Variants in HMCN1 observed in about 807,000 individuals in gnomAD.
HMCN1 encodes the protein hemicentin 1, also known as hemicentin-1.
Under a neutral mutation model 625.9 loss-of-function variants are expected in HMCN1, and 321 were observed. The ratio of observed to expected loss-of-function variants is 0.51; its 90% CI spans 0.47 to 0.56. HMCN1 has a LOEUF of 0.56. Ranked by LOEUF, HMCN1 falls within the 20% of genes least tolerant of loss-of-function variation. The pLI is 0.00. For missense variants in HMCN1, 6,588 were observed against 6,887.3 expected (o/e 0.96, Z 1.54); for synonymous variants, 2,425 against 2,417.6 (o/e 1.00, Z -0.09).
At position 186,114,006 on chromosome 1, in the gene HMCN1, A is replaced by G. The variant is rs781568409; in HGVS notation, c.11159A>G (p.Gln3720Arg). Residue 3720 changes from glutamine to arginine, a missense_variant, in exon 73 of 107, where the codon CAG becomes CGG. By Grantham distance (43) the Gln-to-Arg change is conservative. This residue lies in a region of HMCN1 where 4,628 missense variants were observed against 4,853.1 expected (regional missense o/e 0.95). Coordinates refer to ENST00000271588, the MANE Select transcript of HMCN1 (RefSeq NM_031935.3). ...NVPPNIKGGP[Q>R]SLVILLNKST... The stretch of plus-strand genomic sequence containing the variant: ...CCTCCAAACATAAAGGGGGGCCCCC[A>G]GAGCCTTGTAATTCTTTTAAATAAG... The G allele has an allele frequency of 3.1e-6, 5 of 1,614,070 alleles. No homozygotes were observed. Among genetic ancestry groups the G allele is most frequent in the Admixed American group, 1.7e-5 (1 of 60,006 alleles).
At chr1:185,946,933 G>T (rs370968944) in intron 11 of HMCN1, among the ~76,000 whole-genome samples, 6 of 152,144 alleles carry the variant, frequency 3.9e-5, no homozygotes, top group African/African-American at 1.4e-4. Flanking sequence ...TTGCCATTAA[G>T]AGTCTGTCAT....
At chr1:186,080,597 G>A (rs924087040) in intron 55 of HMCN1, among the ~76,000 whole-genome samples, 5 of 152,136 alleles carry the variant, frequency 3.3e-5, no homozygotes, top group Non-Finnish European at 7.4e-5. Flanking sequence ...TGAAGAGCTT[G>A]TTAAGACACA....
chr1:186,082,921 A>G lies in HMCN1; in HGVS notation c.8844A>G (p.Thr2948=). 1 of 1,595,776 alleles carries G rather than the reference A, an allele frequency of 6.3e-7. No individual in the cohort carries two copies. Among genetic ancestry groups the G allele is most frequent in the Non-Finnish European group, 8.5e-7 (1 of 1,169,872 alleles). ...IGRYVCVAEN[T]AGSAKKYFNL... is the part of the protein sequence containing the mutation. ...GGTATGTGTGTGTTGCTGAGAACACAGCTGGGAGTGCCAAAAAATATTTTA... is the reference window on the plus strand; with the variant it reads ...GGTATGTGTGTGTTGCTGAGAACACGGCTGGGAGTGCCAAAAAATATTTTA... Residue 2948 remains threonine (T), a synonymous_variant, in exon 57 of 107, where the codon ACA becomes ACG. Transcript: ENST00000271588.
At chr1:186,166,159 T>C (rs1651864293) in intron 98 of HMCN1, 25 bp from the exon 99 acceptor site, 1 of 1,613,538 alleles carries the variant, frequency 6.2e-7, no homozygotes, top group Admixed American at 1.7e-5. Flanking sequence ...CATACTGATT[T>C]GGGCCTTTTT....
At chr1:186,011,988 C>T (rs554362495) in intron 30 of HMCN1, among the ~76,000 whole-genome samples, 19 of 152,284 alleles carry the variant, frequency 1.2e-4, no homozygotes, top group African/African-American at 2.2e-4. Context: ...TCACCACTAA[C>T]GCATTGACCT....
chr1:186,072,466 G>A (rs764908357), intron 52 of HMCN1, among the ~76,000 whole-genome samples: 1 of 152,148 alleles, frequency 6.6e-6, no homozygotes, highest in Non-Finnish European at 1.5e-5. Context: ...AGGGAATACA[G>A]CTGTGAAAGA....
At chr1:186,132,223 C>A (rs920702261) in intron 85 of HMCN1, 105 bp from the exon 86 acceptor site, 1 of 786,064 alleles carries the variant, frequency 1.3e-6, no homozygotes, top group Admixed American at 2.0e-5. Flanking sequence ...CATTAAAATT[C>A]CTTCTCAAAA....
At chr1:185,974,574 C>T (rs1651063926) in intron 15 of HMCN1, among the ~76,000 whole-genome samples, 1 of 152,112 alleles carries the variant, frequency 6.6e-6, no homozygotes, top group Non-Finnish European at 1.5e-5. Flanking sequence ...TGTTCTTCTT[C>T]CCCATAGTTT....
At chr1:186,160,094 T>A (rs1483495030) in intron 97 of HMCN1, among the ~76,000 whole-genome samples, 3 of 151,730 alleles carry the variant, frequency 2.0e-5, no homozygotes, top group Non-Finnish European at 4.4e-5. Context: ...TGCCACAATT[T>A]CAGATCCTGT....
intron 10 of HMCN1, among the ~76,000 whole-genome samples, chr1:185,928,884 C>T (rs1667406209): frequency 6.6e-6 from 1 of 152,068 alleles, no homozygotes; most frequent in African/African-American, 2.4e-5. Context: ...GCCTTGGTTT[C>T]CCTAACTGTA....
At chr1:186,122,787 A>AT (rs1661455442) in intron 80 of HMCN1, among the ~76,000 whole-genome samples, 164 bp from the exon 81 acceptor site, 1 of 152,168 alleles carries the variant, frequency 6.6e-6, no homozygotes. Flanking sequence ...CGCCCAGATA[A>AT]TTTTTTGTTC....
chr1:185,771,181 A>G (rs1656216431), intron 1 of HMCN1, among the ~76,000 whole-genome samples: 1 of 152,178 alleles, frequency 6.6e-6, no homozygotes, highest in Non-Finnish European at 1.5e-5. Flanking sequence ...AGTCCTTGAA[A>G]CTAGAGCATT....
chr1:186,143,174 A>G (rs143842409), intron 89 of HMCN1, among the ~76,000 whole-genome samples: 279 of 152,366 alleles, frequency 1.8e-3, no homozygotes, highest in African/African-American at 6.3e-3. Context: ...CCCATTAACT[A>G]TAAGAAACTG....
At chr1:185,916,903 G>A (rs1240588801) in intron 6 of HMCN1, among the ~76,000 whole-genome samples, 3 of 152,050 alleles carry the variant, frequency 2.0e-5, no homozygotes, top group East Asian at 1.9e-4. Context: ...CACTTAATGA[G>A]GAAAAAACCT....
intron 11 of HMCN1, among the ~76,000 whole-genome samples, chr1:185,934,553 A>G (rs1307577732): frequency 6.6e-6 from 1 of 152,214 alleles, no homozygotes; most frequent in African/African-American, 2.4e-5. Flanking sequence ...TTCAGTGGAA[A>G]CATATTTGGC....
chr1:186,065,168 C>T, intron 48 of HMCN1, 70 bp from the exon 49 acceptor site: 1 of 1,265,342 alleles, frequency 7.9e-7, no homozygotes, highest in Non-Finnish European at 1.1e-6. Context: ...GAGTGAAAAC[C>T]TCCTCTTTCA....
intron 1 of HMCN1, among the ~76,000 whole-genome samples, chr1:185,764,254 C>T (rs1292685978): frequency 6.6e-6 from 1 of 152,084 alleles, no homozygotes; most frequent in Non-Finnish European, 1.5e-5. Flanking sequence ...AAAAGATGTG[C>T]ATGTTGATGG....
intron 2 of HMCN1, among the ~76,000 whole-genome samples, chr1:185,854,883 A>T (rs1399417754): frequency 2.0e-5 from 3 of 152,238 alleles, no homozygotes; most frequent in Non-Finnish European, 4.4e-5. Flanking sequence ...ACCACATTAA[A>T]TAATCACAGC....
In HMCN1 at chr1:186,189,971, T is replaced by A; in HGVS notation, c.*93T>A. Reference sequence around the variant, plus strand: ...ATTACTGTCTCTTGAACAGTTGCAATCTTGGCAGCTTGAAAATGGTGCTAC... The same window carrying A: ...ATTACTGTCTCTTGAACAGTTGCAAACTTGGCAGCTTGAAAATGGTGCTAC... On this transcript the variant is annotated 3_prime_UTR_variant, in exon 107 of 107. Coordinates refer to ENST00000271588, the MANE Select transcript of HMCN1 (RefSeq NM_031935.3). 2.8e-6 allele frequency: 4 copies of A among 1,435,266 alleles called. No homozygotes were observed. Among genetic ancestry groups the A allele is most frequent in the Non-Finnish European group, 1.9e-6 (2 of 1,029,472 alleles). The allele number at this position is 1,435,266 out of a possible 1,614,324, so 88.9% of individuals were successfully genotyped here.
Sources: allele counts gnomAD v4.1 joint callset (sites outside exome capture counted in the v4.1 genomes callset), GRCh38; gene constraint gnomAD v4.1.1; regional missense constraint gnomAD v4.1.1; transcripts MANE v1.5; gene names NCBI Gene and HGNC (gene_info 2026-07-23, HGNC 2026-07-21).